Variants in PDE4B observed in about 807,000 individuals in gnomAD.
PDE4B encodes phosphodiesterase 4B.
In PDE4B, 20 loss-of-function variants were observed where a neutral mutation model predicts 82.2. The ratio of observed to expected loss-of-function variants is 0.24; its 90% confidence interval spans 0.17 to 0.35. The LOEUF (loss-of-function observed/expected upper bound fraction) is 0.35, where lower values mean the gene tolerates loss of function less well. Ranked by LOEUF, PDE4B falls within the 10% of genes least tolerant of loss-of-function variation. The pLI is 1.00. For missense variants in PDE4B, 655 were observed against 907.2 expected, an observed-to-expected ratio of 0.72 and a Z score of 3.57; for synonymous variants, 320 against 318.9, an observed-to-expected ratio of 1.00 and a Z score of -0.04.
chr1:66,070,918 T>C (rs1454521129), intron 3 of PDE4B, among the ~76,000 whole-genome samples: 1 of 152,096 alleles, frequency 6.6e-6, no homozygotes, highest in African/African-American at 2.4e-5. Context: ...GGATATGACA[T>C]CATTTTATTG....
At chr1:66,091,715 T>G (rs984449083) in intron 3 of PDE4B, among the ~76,000 whole-genome samples, 1 of 152,030 alleles carries the variant, frequency 6.6e-6, no homozygotes, top group African/African-American at 2.4e-5. Flanking sequence ...ATACTGCCTG[T>G]TTTTTACTAA....
intron 1 of PDE4B, among the ~76,000 whole-genome samples, chr1:65,859,224 A>C (rs1019135206): frequency 6.6e-6 from 1 of 152,086 alleles, no homozygotes; most frequent in Admixed American, 6.6e-5. Context: ...AATTGATATA[A>C]GATATTCTAG....
chr1:66,358,237 C>T (rs1385515745), intron 9 of PDE4B, among the ~76,000 whole-genome samples: 1 of 152,156 alleles, frequency 6.6e-6, no homozygotes, highest in Non-Finnish European at 1.5e-5. Context: ...GACCTAAATA[C>T]CCTGTCAATC....
At position 66,322,750 on chromosome 1, in the gene PDE4B, C is replaced by T. The variant is rs1659499456; in HGVS notation, c.635-9758C>T. Among the ~76,000 whole-genome samples, 3 of 151,726 alleles carry T rather than the reference C, an allele frequency of 2.0e-5. 1 individual carries two copies. Among genetic ancestry groups the T allele is most frequent in the Admixed American group, 6.6e-5 (1 of 15,216 alleles). On this transcript the variant is annotated intron_variant, in intron 7 of 16. Coordinates refer to ENST00000341517, the MANE Select transcript of PDE4B (RefSeq NM_002600.4). ...TCAACACAGGAATTTTGGGGGGACA[C>T]ATTTAGATCATAACAAATGCTACCA...
At chr1:66,268,600 G>A (rs932828882) in intron 7 of PDE4B, among the ~76,000 whole-genome samples, 27 of 149,034 alleles carry the variant, frequency 1.8e-4, no homozygotes, top group African/African-American at 5.5e-4. Flanking sequence ...CCTGGGAGGC[G>A]GAGGTTGCAG....
At chr1:66,217,591 T>C (rs1325233831) in intron 3 of PDE4B, among the ~76,000 whole-genome samples, 1 of 151,966 alleles carries the variant, frequency 6.6e-6, no homozygotes, top group Non-Finnish European at 1.5e-5. Context: ...AGATGGAAAA[T>C]GGATTGGAGG....
At chr1:66,290,982 T>C (rs186929846) in intron 7 of PDE4B, among the ~76,000 whole-genome samples, 2 of 152,208 alleles carry the variant, frequency 1.3e-5, no homozygotes, top group Admixed American at 1.3e-4. Flanking sequence ...CTTTCCAGGT[T>C]CCTCTCAGTG....
At chr1:66,164,761 T>C (rs1308883839) in intron 3 of PDE4B, among the ~76,000 whole-genome samples, 8 of 135,454 alleles carry the variant, frequency 5.9e-5, no homozygotes, top group Admixed American at 1.5e-4. Context: ...TTTTCTTTTT[T>C]TTTTTTTTTT....
At chr1:66,058,229 G>GCAT (rs1299417936) in intron 3 of PDE4B, among the ~76,000 whole-genome samples, 3 of 152,212 alleles carry the variant, frequency 2.0e-5, no homozygotes, top group Non-Finnish European at 4.4e-5. Flanking sequence ...TGATGGAAGA[G>GCAT]GTGGGTTCCC....
chr1:65,915,665 A>T (rs1647151344), intron 2 of PDE4B, among the ~76,000 whole-genome samples: 1 of 152,222 alleles, frequency 6.6e-6, no homozygotes, highest in Non-Finnish European at 1.5e-5. Flanking sequence ...ATATGGGGAT[A>T]TGACAAACAG....
At chr1:65,995,230 C>T (rs554306030) in intron 3 of PDE4B, among the ~76,000 whole-genome samples, 1 of 152,096 alleles carries the variant, frequency 6.6e-6, no homozygotes, top group African/African-American at 2.4e-5. Context: ...CTTAGTAAAA[C>T]AGTTTCACAG....
At chr1:65,917,503 G>A (rs1353567636) in intron 2 of PDE4B, among the ~76,000 whole-genome samples, 1 of 152,124 alleles carries the variant, frequency 6.6e-6, no homozygotes, top group Non-Finnish European at 1.5e-5. Context: ...GACCATTGCA[G>A]GGCTATAACA....
At chr1:65,930,642 A>G (rs747072334) in intron 3 of PDE4B, among the ~76,000 whole-genome samples, 4 of 152,236 alleles carry the variant, frequency 2.6e-5, no homozygotes, top group Non-Finnish European at 5.9e-5. Flanking sequence ...GGACTTGCAT[A>G]GGGCCTGTAG....
intron 1 of PDE4B, among the ~76,000 whole-genome samples, chr1:65,886,206 A>G (rs1422005421): frequency 6.6e-6 from 1 of 152,146 alleles, no homozygotes; most frequent in East Asian, 1.9e-4. Context: ...TTTGTAAACT[A>G]GAAAATATTA....
intron 8 of PDE4B, among the ~76,000 whole-genome samples, chr1:66,348,704 T>C (rs1661595059): frequency 6.6e-6 from 1 of 151,544 alleles, no homozygotes; most frequent in Admixed American, 6.6e-5. Context: ...CTTCTTTATC[T>C]GAAATTCAAA....
chr1:65,967,330 A>G (rs1357218096), intron 3 of PDE4B, among the ~76,000 whole-genome samples: 1 of 152,212 alleles, frequency 6.6e-6, no homozygotes, highest in Non-Finnish European at 1.5e-5. Flanking sequence ...CAAAACCACA[A>G]TGAGATACCA....
intron 3 of PDE4B, among the ~76,000 whole-genome samples, chr1:66,232,991 G>T (rs961950190): frequency 6.6e-6 from 1 of 152,062 alleles, no homozygotes; most frequent in East Asian, 1.9e-4. Flanking sequence ...TATTTATAAG[G>T]TACAAATGAC....
intron 7 of PDE4B, among the ~76,000 whole-genome samples, chr1:66,301,934 C>G (rs577323577): frequency 1.3e-5 from 2 of 152,306 alleles, no homozygotes; most frequent in South Asian, 4.1e-4. Flanking sequence ...CTTCCTAAAT[C>G]TTGGAGCTTA....
chr1:65,867,818 A>G, intron 1 of PDE4B, among the ~76,000 whole-genome samples: 1 of 152,214 alleles, frequency 6.6e-6, no homozygotes, highest in East Asian at 1.9e-4. Flanking sequence ...CAATCTGTCA[A>G]CTAACATGTA....
Sources: allele counts gnomAD v4.1 joint callset (sites outside exome capture counted in the v4.1 genomes callset), GRCh38; gene constraint gnomAD v4.1.1; transcripts MANE v1.5; gene names NCBI Gene and HGNC (gene_info 2026-07-23, HGNC 2026-07-21).